Variants in TAFA1 observed in about 807,000 individuals in gnomAD.
TAFA1 encodes TAFA chemokine like family member 1, also known as chemokine-like protein TAFA-1.
In TAFA1, 4 loss-of-function variants were observed where a neutral mutation model predicts 18.5. The observed-to-expected ratio is 0.22, with a 90% confidence interval of 0.11 to 0.49. TAFA1 has a LOEUF of 0.49. Among genes scored for constraint, TAFA1 ranks in the 20% least tolerant of loss-of-function variants. TAFA1 has a pLI of 0.98. For synonymous variants in TAFA1, 56 were observed against 55.2 expected (o/e 1.01, Z -0.06); for missense variants, 147 against 169.0 (o/e 0.87, Z 0.72).
intron 3 of TAFA1, among the ~76,000 whole-genome samples, chr3:68,452,371 C>G (rs1354106912): frequency 1.3e-5 from 2 of 151,566 alleles, no homozygotes; most frequent in African/African-American, 4.8e-5. Flanking sequence ...AAAAATACAA[C>G]AATTAGCTGG....
intron 3 of TAFA1, among the ~76,000 whole-genome samples, chr3:68,527,808 A>T (rs995079843): frequency 1.3e-5 from 2 of 151,710 alleles, no homozygotes; most frequent in South Asian, 2.1e-4. Flanking sequence ...AAATACCTTT[A>T]AAAAAAATCT....
intron 2 of TAFA1, among the ~76,000 whole-genome samples, chr3:68,015,316 T>C (rs1465199274): frequency 1.3e-5 from 2 of 152,006 alleles, no homozygotes; most frequent in African/African-American, 2.4e-5. Context: ...GACGTAGTTT[T>C]GCTCTTGTTG....
At chr3:68,330,549 A>G (rs1329215369) in intron 2 of TAFA1, among the ~76,000 whole-genome samples, 1 of 152,178 alleles carries the variant, frequency 6.6e-6, no homozygotes, top group African/African-American at 2.4e-5. Flanking sequence ...GCTGTGCTTT[A>G]TGTGTGTTAT....
At chr3:68,038,921 C>G (rs1705108917) in intron 2 of TAFA1, among the ~76,000 whole-genome samples, 1 of 152,142 alleles carries the variant, frequency 6.6e-6, no homozygotes, top group African/African-American at 2.4e-5. Flanking sequence ...ATGTTCAGTT[C>G]AGTAGCCTAT....
Position 68,418,475 on chromosome 3 carries a change from G to C in TAFA1, c.259+1055G>C, listed in dbSNP as rs544919979. Among the ~76,000 whole-genome samples, 7 of 136,706 alleles carry C rather than the reference G, an allele frequency of 5.1e-5. No individual in the cohort carries two copies. In the East Asian group the frequency reaches 1.4e-3, roughly 28 times the overall value. The allele number at this position is 136,706 out of a possible 152,430, so 89.7% of individuals were successfully genotyped here. On this transcript the variant is annotated intron_variant, in intron 3 of 4. Coordinates refer to ENST00000478136, the MANE Select transcript of TAFA1 (RefSeq NM_213609.4). ...TTGTGGTGGAATATCATCAGTTAAG[G>C]CAAGGACCGGCCATTTACACTTCTT...
chr3:68,440,720 A>G (rs1170017376), intron 3 of TAFA1, among the ~76,000 whole-genome samples: 3 of 152,148 alleles, frequency 2.0e-5, no homozygotes, highest in Admixed American at 2.0e-4. Flanking sequence ...CATTGACCTT[A>G]GTCACAGGGA....
intron 3 of TAFA1, among the ~76,000 whole-genome samples, chr3:68,526,948 G>A (rs982470158): frequency 2.0e-5 from 3 of 152,066 alleles, no homozygotes; most frequent in Admixed American, 6.5e-5. Context: ...ACTATCCACT[G>A]TAAATAAACT....
chr3:68,306,362 A>C (rs1279142524), intron 2 of TAFA1, among the ~76,000 whole-genome samples: 1 of 152,162 alleles, frequency 6.6e-6, no homozygotes, highest in African/African-American at 2.4e-5. Flanking sequence ...ACCTTGCAAA[A>C]ATTTAATTAA....
intron 2 of TAFA1, among the ~76,000 whole-genome samples, chr3:68,287,356 T>C (rs1196298472): frequency 6.6e-6 from 1 of 152,204 alleles, no homozygotes; most frequent in Non-Finnish European, 1.5e-5. Flanking sequence ...GCCGCTTTGT[T>C]TTAATGTCAG....
chr3:68,270,518 C>A (rs1028508816), intron 2 of TAFA1, among the ~76,000 whole-genome samples: 3 of 152,074 alleles, frequency 2.0e-5, no homozygotes, highest in Non-Finnish European at 4.4e-5. Flanking sequence ...GCATCGATTC[C>A]CCTGTCAGGG....
chr3:68,157,819 A>G (rs1051661751), intron 2 of TAFA1, among the ~76,000 whole-genome samples: 2 of 152,156 alleles, frequency 1.3e-5, no homozygotes, highest in Non-Finnish European at 2.9e-5. Context: ...GACAGATATC[A>G]CCTTTGGCTT....
At chr3:68,003,439 A>C (rs147843639), upstream of TAFA1, among the ~76,000 whole-genome samples, 2,502 of 152,276 alleles carry the variant, frequency 0.016, 80 homozygotes, top group African/African-American at 0.057. Flanking sequence ...GGATCTCATC[A>C]ATCACGTTTT....
intron 2 of TAFA1, among the ~76,000 whole-genome samples, chr3:68,064,249 A>T (rs909153891): frequency 1.3e-5 from 2 of 152,128 alleles, no homozygotes; most frequent in South Asian, 2.1e-4. Flanking sequence ...GAAAAAAGAA[A>T]TGGGGATAGT....
chr3:68,064,148 C>T (rs529225513), intron 2 of TAFA1, among the ~76,000 whole-genome samples: 1 of 152,070 alleles, frequency 6.6e-6, no homozygotes, highest in Non-Finnish European at 1.5e-5. Flanking sequence ...GTGTAGCAAA[C>T]CCAGGTGGAG....
chr3:68,117,142 T>G (rs1559526365), intron 2 of TAFA1, among the ~76,000 whole-genome samples: 1 of 152,212 alleles, frequency 6.6e-6, no homozygotes, highest in Admixed American at 6.5e-5. Flanking sequence ...ATTAATTGTT[T>G]TATTACACTG....
At chr3:68,009,209 C>T (rs569905738) in intron 2 of TAFA1, among the ~76,000 whole-genome samples, 6 of 152,178 alleles carry the variant, frequency 3.9e-5, no homozygotes, top group Non-Finnish European at 7.4e-5. Context: ...TTACTCTGTG[C>T]GTATAATCAT....
chr3:68,155,052 C>A (rs2065850962), intron 2 of TAFA1, among the ~76,000 whole-genome samples: 1 of 152,164 alleles, frequency 6.6e-6, no homozygotes, highest in East Asian at 1.9e-4. Flanking sequence ...TTACGTCAGG[C>A]CCATGCCTTA....
intron 2 of TAFA1, among the ~76,000 whole-genome samples, chr3:68,376,893 G>A (rs1003075289): frequency 6.6e-6 from 1 of 152,128 alleles, no homozygotes; most frequent in Non-Finnish European, 1.5e-5. Context: ...TCTCATGATA[G>A]TGAGTGAGTT....
chr3:68,057,303 C>G (rs2064548889), intron 2 of TAFA1, among the ~76,000 whole-genome samples: 1 of 152,140 alleles, frequency 6.6e-6, no homozygotes. Flanking sequence ...AACAGAACTC[C>G]TGTATTCACC....
Sources: allele counts gnomAD v4.1 joint callset (sites outside exome capture counted in the v4.1 genomes callset), GRCh38; gene constraint gnomAD v4.1.1; transcripts MANE v1.5; gene names NCBI Gene and HGNC (gene_info 2026-07-23, HGNC 2026-07-21).